The following PSG5 variants were observed in gnomAD, a reference collection of about 807,000 sequenced individuals.
PSG5 encodes pregnancy specific beta-1-glycoprotein 5.
In PSG5, 53 loss-of-function variants were observed where a neutral mutation model predicts 37.7. The ratio of observed to expected loss-of-function variants is 1.41; its 90% CI spans 1.13 to 1.77. The LOEUF (loss-of-function observed/expected upper bound fraction) is 1.77. Among genes scored for constraint, PSG5 ranks in the 40% most tolerant of loss-of-function variants. PSG5 has a pLI of 0.00. For synonymous variants in PSG5, 221 were observed against 155.4 expected (o/e 1.42, Z -3.14); for missense variants, 547 against 405.2 (o/e 1.35, Z -3.00).
chr19:43,184,833 G>T lies in PSG5; in HGVS notation c.379C>A (p.Arg127=). The T allele has an allele frequency of 3.1e-6, 5 of 1,612,332 alleles. No individual in the cohort carries two copies. The South Asian group carries it at 3.3e-5, about 11-fold the overall frequency. The part of the protein sequence containing the change: ...AGSYTLHIIK[R]GDRTRGVTGY... Reference sequence around the variant, plus strand: ...GTTACTCCTCTAGTCCTATCACCTCGCTTTATGATGTGTAAGGTGTAGGAT... The same window carrying T: ...GTTACTCCTCTAGTCCTATCACCTCTCTTTATGATGTGTAAGGTGTAGGAT... The change falls in exon 2 of 6, where the codon CGA becomes AGA. Residue 127 remains arginine, a synonymous_variant. Coordinates refer to ENST00000342951, the MANE Select transcript of PSG5 (RefSeq NM_002781.4).
rs1327537827 is a variant in PSG5, at chr19:43,175,880, C to T, written c.699G>A (p.Leu233=). ...ACAAAAGATACTCACAGAGGACATT[C>T]AGGGTGACTGGGTCACTGCGCATGC... ...DGGMRSDPVT[L]NVLYGPDLPS... is the part of the protein sequence containing the mutation. The change falls in exon 3 of 6, where the codon CTG becomes CTA. Residue 233 remains leucine, a synonymous_variant. Coordinates refer to ENST00000342951, the MANE Select transcript of PSG5 (RefSeq NM_002781.4). 6.8e-6 allele frequency: 11 copies of T among 1,612,414 alleles called. No individual in the cohort carries two copies. Among genetic ancestry groups the T allele is most frequent in the Non-Finnish European group, 9.3e-6 (11 of 1,179,166 alleles).
At chr19:43,182,704 A>ATTTTTTTTTTTTTTTTTTTTT (rs1290511014) in intron 2 of PSG5, among the ~76,000 whole-genome samples, 1 of 49,076 alleles carries the variant, frequency 2.0e-5, no homozygotes, top group Non-Finnish European at 3.9e-5. Flanking sequence ...ACATTTCAAT[A>ATTTTTTTTTTTTTTTTTTTTT]ATTTTTTTTT....
intron 4 of PSG5, among the ~76,000 whole-genome samples, chr19:43,172,710 T>C (rs983083442): frequency 2.6e-5 from 4 of 151,614 alleles, no homozygotes; most frequent in African/African-American, 9.7e-5. Context: ...ATCTACAAAA[T>C]ATTGCTGAAA....
In PSG5 at chr19:43,177,362, G is replaced by T. The variant is rs532298758; in HGVS notation, c.431-1214C>A. ...GTGTTTTGGATTTCTGACATTTTTT[G>T]ATTCTGAAATATTTGTCATATACTT... On this transcript the variant is annotated intron_variant, in intron 2 of 5. Transcript: ENST00000342951. 3.4e-4 allele frequency among the ~76,000 whole-genome samples: 51 copies of T among 151,506 alleles called. 2 individuals carry two copies. The highest frequency in any genetic ancestry group is 5.9e-4 in the Non-Finnish European group (40 of 67,872).
intron 2 of PSG5, 52 bp from the exon 3 acceptor site, chr19:43,176,200 C>A: frequency 6.3e-7 from 1 of 1,592,858 alleles, no homozygotes; most frequent in South Asian, 1.1e-5. Flanking sequence ...TTGATTCCTC[C>A]ACAGGCATCC....
In PSG5 at chr19:43,175,190, G is replaced by A. The variant is rs1188530709; in HGVS notation, c.964+25C>T. ...GGTAGACTCCACCTAAAACCCTATT[G>A]CCAAGGATGCTGGGATCCACTTACC... On this transcript the variant is annotated intron_variant, in intron 4 of 5. Coordinates refer to ENST00000342951, the MANE Select transcript of PSG5 (RefSeq NM_002781.4). 13 of 1,612,298 alleles carry A rather than the reference G, an allele frequency of 8.1e-6. 2 individuals carry two copies. The South Asian group carries it at 1.3e-4, about 16-fold the overall frequency.
intron 4 of PSG5, chr19:43,171,342 T>C (rs1375680888): frequency 6.6e-6 from 1 of 151,418 alleles, no homozygotes; most frequent in South Asian, 2.1e-4. Context: ...TCATTGCAAT[T>C]TTCAGGTGAG....
chr19:43,179,625 C>G (rs1349022776), intron 2 of PSG5, among the ~76,000 whole-genome samples: 1 of 151,636 alleles, frequency 6.6e-6, no homozygotes, highest in Non-Finnish European at 1.5e-5. Flanking sequence ...GTCCTTAAAC[C>G]CTTTGGGTAC....
In PSG5 at chr19:43,175,186, T is replaced by G. The variant is rs768347542; in HGVS notation, c.964+29A>C. ...GCCAGGTAGACTCCACCTAAAACCC[T>G]ATTGCCAAGGATGCTGGGATCCACT... On this transcript the variant is annotated intron_variant, in intron 4 of 5. Coordinates refer to ENST00000342951, the MANE Select transcript of PSG5 (RefSeq NM_002781.4). The G allele has an allele frequency of 2.5e-6, 4 of 1,612,352 alleles. No individual in the cohort carries two copies. In the South Asian group the frequency reaches 3.3e-5, roughly 13 times the overall value.
chr19:43,179,902 C>T (rs1969092152), intron 2 of PSG5, among the ~76,000 whole-genome samples: 1 of 151,766 alleles, frequency 6.6e-6, no homozygotes, highest in South Asian at 2.1e-4. Context: ...CATGATGCTT[C>T]CTTCCCCTTG....
intron 1 of PSG5, 42 bp from the exon 2 acceptor site, chr19:43,185,189 T>C: frequency 1.3e-6 from 2 of 1,548,472 alleles, no homozygotes; most frequent in Non-Finnish European, 1.7e-6. Flanking sequence ...GAGACCTGTG[T>C]ATTGGGGTGA....
At chr19:43,179,375 G>C (rs1161770609) in intron 2 of PSG5, among the ~76,000 whole-genome samples, 2 of 151,612 alleles carry the variant, frequency 1.3e-5, no homozygotes. Context: ...GCTTTCTCAA[G>C]TGTGAATTGA....
chr19:43,181,338 T>C (rs1969123627), intron 2 of PSG5, among the ~76,000 whole-genome samples: 1 of 151,696 alleles, frequency 6.6e-6, no homozygotes, highest in African/African-American at 2.4e-5. Context: ...TTTCCCCCAC[T>C]CTTATTGAAC....
At chr19:43,185,393 T>TTC (rs747105761) in intron 1 of PSG5, among the ~76,000 whole-genome samples, 3 of 148,690 alleles carry the variant, frequency 2.0e-5, no homozygotes, top group Non-Finnish European at 3.0e-5. Context: ...CTTGGCATTT[T>TTC]TGTATGGAAT....
chr19:43,183,453 G>A (rs1969173820), intron 2 of PSG5: 1 of 529,518 alleles, frequency 1.9e-6, no homozygotes, highest in South Asian at 1.4e-5. Context: ...CTCTCGCTGG[G>A]CCTGTGCTGG....
chr19:43,170,834 A>G (rs910866576), intron 4 of PSG5: 1 of 152,258 alleles, frequency 6.6e-6, no homozygotes, highest in African/African-American at 2.4e-5. Context: ...GTCCTCCCTG[A>G]TAAATTATCT....
Position 43,175,358 on chromosome 19 carries a change from G to T in PSG5, c.821C>A (p.Thr274Lys), listed in dbSNP as rs1361603552. The T allele has an allele frequency of 1.2e-6, 2 of 1,612,712 alleles. No individual in the cohort carries two copies. Among genetic ancestry groups the T allele is most frequent in the East Asian group, 2.2e-5 (1 of 44,890 alleles). ...TGATTGCTGAAACTTCCCATTAATT[G>T]TCCAAAAATACTCTGCCGGTGGGTT... ...ESNPPAEYFW[T>K]INGKFQQSGQ... Residue 274 changes from threonine (T) to lysine (K), a missense_variant, in exon 4 of 6, where the codon ACA (threonine) becomes AAA (lysine). Coordinates refer to ENST00000342951, the MANE Select transcript of PSG5 (RefSeq NM_002781.4).
At position 43,179,308 on chromosome 19, in the gene PSG5, G is replaced by T; in HGVS notation, c.431-3160C>A. On this transcript the variant is annotated intron_variant, in intron 2 of 5. Transcript: ENST00000342951. ...TGTGTGTGTTACAAGACAGATGCAT[G>T]GCAATCTGAGAGCTCAGAGATTGTG... The T allele has an allele frequency of 3.4e-6, 4 of 1,177,626 alleles. No homozygotes were observed. The East Asian group carries it at 9.6e-5, about 28-fold the overall frequency. The allele number at this position is 1,177,626 out of a possible 1,614,324, so 72.9% of individuals were successfully genotyped here. A position where few individuals can be genotyped will look rare whatever the true frequency, so the allele number is the denominator to read the frequency against.
At chr19:43,170,570 C>T (rs1170716795) in intron 4 of PSG5, 1 of 379,472 alleles carries the variant, frequency 2.6e-6, no homozygotes, top group Non-Finnish European at 5.2e-6. Flanking sequence ...ACATTCATCA[C>T]CTCCTTTGCA....
Sources: gnomAD v4.1 joint callset for allele counts (sites outside exome capture counted in the v4.1 genomes callset) on GRCh38, gnomAD v4.1.1 for gene constraint, MANE v1.5 for transcripts, NCBI Gene and HGNC (gene_info 2026-07-23, HGNC 2026-07-21) for gene names.